Variants in UPRT observed in about 807,000 individuals in gnomAD.
UPRT encodes the protein uracil phosphoribosyltransferase homolog.
UPRT carries 5 observed loss-of-function variants against 22.6 expected under a neutral mutation model. That is an observed-to-expected ratio of 0.22 (90% confidence interval 0.12 to 0.47). UPRT has a LOEUF of 0.47. Among genes scored for constraint, UPRT ranks in the 20% least tolerant of loss-of-function variants. The pLI is 0.99. For synonymous variants in UPRT, 77 were observed against 87.7 expected (o/e 0.88, Z 0.68); for missense variants, 181 against 239.9 (o/e 0.75, Z 1.62).
intron 4 of UPRT, among the ~76,000 whole-genome samples, chrX:75,176,764 T>A (rs139418562): frequency 0.022 from 2,420 of 111,092 alleles, 46 homozygotes; most frequent in South Asian, 0.16. Context: ...AAGCTTTGCA[T>A]AGTCGTGTAT....
At chrX:75,238,725 G>T in intron 4 of UPRT, among the ~76,000 whole-genome samples, 1 of 111,716 alleles carries the variant, frequency 9.0e-6, no homozygotes, top group Admixed American at 9.6e-5. Context: ...CACAAGAAGT[G>T]ACTCAAGAAA....
intron 4 of UPRT, among the ~76,000 whole-genome samples, chrX:75,237,511 C>T (rs750162810): frequency 1.7e-4 from 19 of 109,302 alleles, no homozygotes; most frequent in East Asian, 5.8e-4. Context: ...ATGTTTATTG[C>T]GGCATTATTC....
chrX:75,296,748 T>C (rs1317922556), intron 3 of UPRT, among the ~76,000 whole-genome samples: 1 of 111,343 alleles, frequency 9.0e-6, no homozygotes, highest in African/African-American at 3.3e-5. Context: ...TGAGCACAAA[T>C]GGGCAAGTCT....
chrX:75,283,099 C>T (rs1282970056), intron 1 of UPRT, among the ~76,000 whole-genome samples: 1 of 111,952 alleles, frequency 8.9e-6, no homozygotes, highest in Non-Finnish European at 1.9e-5. Flanking sequence ...GCTACTCCAG[C>T]TCGGTTTTGG....
chrX:75,247,367 G>A (rs188974778), intron 4 of UPRT, among the ~76,000 whole-genome samples: 4 of 111,337 alleles, frequency 3.6e-5, no homozygotes, highest in East Asian at 2.8e-4. Flanking sequence ...CTGGAATATC[G>A]GGTCACTCCC....
intron 4 of UPRT, among the ~76,000 whole-genome samples, chrX:75,222,670 C>T (rs1044647119): frequency 9.0e-6 from 1 of 111,012 alleles, no homozygotes; most frequent in Admixed American, 9.6e-5. Context: ...TCACTTAAGG[C>T]CCAAGGGCTC....
At chrX:75,180,681 G>GTTTTTTTTTTTTTTTTTTTTTTTTTTT (rs59522302) in intron 4 of UPRT, among the ~76,000 whole-genome samples, 6 of 43,897 alleles carry the variant, frequency 1.4e-4, no homozygotes, top group Admixed American at 3.6e-4. Flanking sequence ...CCTTTTCTCT[G>GTTTTTTTTTTTTTTTTTTTTTTTTTTT]TTTTTTTTTT....
intron 1 of UPRT, among the ~76,000 whole-genome samples, chrX:75,276,773 T>C (rs765584224): frequency 9.0e-6 from 1 of 111,624 alleles, no homozygotes; most frequent in Admixed American, 9.5e-5. Context: ...ATTTAAAGTG[T>C]ATAATTCAGT....
intron 4 of UPRT, among the ~76,000 whole-genome samples, chrX:75,249,360 G>A (rs1417455033): frequency 9.0e-6 from 1 of 111,462 alleles, no homozygotes; most frequent in African/African-American, 3.3e-5. Flanking sequence ...AGGGATGGAG[G>A]AAGATCTACC....
rs778476161 is a variant in UPRT at position 75,234,166 on chromosome X, A to G, written c.-446-56858A>G. ...CTCTGATAAAACAGACTTTAAACCA[A>G]CAAAGATCAAAAGAGACAAAGAAGG... On this transcript the variant is annotated intron_variant, in intron 4 of 13. Coordinates refer to the UPRT transcript ENST00000652605. 2.7e-5 allele frequency among the ~76,000 whole-genome samples: 3 copies of G among 111,285 alleles called. No individual in the cohort carries two copies. In the East Asian group the frequency reaches 8.5e-4, roughly 32 times the overall value.
At chrX:75,266,745 TA>T (rs1242269969) in intron 4 of UPRT, among the ~76,000 whole-genome samples, 1 of 109,667 alleles carries the variant, frequency 9.1e-6, no homozygotes, top group Non-Finnish European at 1.9e-5. Context: ...CATTTAGAAT[TA>T]AAAAAACAAC....
At chrX:75,260,188 ACTAT>A (rs1412282654) in intron 4 of UPRT, among the ~76,000 whole-genome samples, 1 of 112,301 alleles carries the variant, frequency 8.9e-6, no homozygotes, top group East Asian at 2.8e-4. Flanking sequence ...CTAGGAAGAA[ACTAT>A]CAATTAATGG....
At chrX:75,228,899 G>A (rs758555630) in intron 4 of UPRT, among the ~76,000 whole-genome samples, 12 of 111,940 alleles carry the variant, frequency 1.1e-4, no homozygotes, top group South Asian at 3.7e-4. Flanking sequence ...AATGAAATAA[G>A]CCAGACACAG....
At chrX:75,276,829 G>A (rs1444879021) in intron 1 of UPRT, among the ~76,000 whole-genome samples, 1 of 111,486 alleles carries the variant, frequency 9.0e-6, no homozygotes, top group Admixed American at 9.5e-5. Flanking sequence ...CACAGTTTTA[G>A]AACATTTGTC....
chrX:75,203,516 T>A (rs5981804), intron 4 of UPRT, among the ~76,000 whole-genome samples: 2,646 of 64,190 alleles, frequency 0.041, 43 homozygotes, highest in South Asian at 0.11. Context: ...ACACACACAC[T>A]CACACACACA....
At chrX:75,262,248 A>G (rs1280859855) in intron 4 of UPRT, among the ~76,000 whole-genome samples, 1 of 111,727 alleles carries the variant, frequency 9.0e-6, no homozygotes, top group Non-Finnish European at 1.9e-5. Context: ...GGATTTTGTC[A>G]CCACCAGACT....
At chrX:75,298,792 G>A (rs949972550) in intron 4 of UPRT, among the ~76,000 whole-genome samples, 3 of 111,490 alleles carry the variant, frequency 2.7e-5, no homozygotes, top group African/African-American at 9.8e-5. Context: ...GACTTTTAAG[G>A]TGCAGTTTCT....
At chrX:75,183,165 A>G (rs987100510) in intron 4 of UPRT, among the ~76,000 whole-genome samples, 2 of 109,541 alleles carry the variant, frequency 1.8e-5, no homozygotes, top group African/African-American at 6.7e-5. Context: ...AATGCTATCC[A>G]TCCCCCCTCC....
At chrX:75,174,425 A>G (rs1046750155) in intron 4 of UPRT, among the ~76,000 whole-genome samples, 15 of 111,789 alleles carry the variant, frequency 1.3e-4, no homozygotes, top group African/African-American at 4.9e-4. Flanking sequence ...AAATTTGACA[A>G]GAAGGTTAAA....
Sources: allele counts gnomAD v4.1 joint callset (sites outside exome capture counted in the v4.1 genomes callset), GRCh38; gene constraint gnomAD v4.1.1; transcripts MANE v1.5; gene names NCBI Gene and HGNC (gene_info 2026-07-23, HGNC 2026-07-21).